SASH1: variants seen among roughly 807,000 people sequenced by gnomAD.
SASH1 encodes the protein SAM and SH3 domain containing 1.
A neutral mutation model predicts 125.2 loss-of-function variants in SASH1; 44 were observed. That is an observed-to-expected ratio of 0.35 (90% confidence interval 0.28 to 0.45). The LOEUF (loss-of-function observed/expected upper bound fraction) is 0.45. Ranked by LOEUF, SASH1 falls within the 20% of genes least tolerant of loss-of-function variation. The pLI is 1.00. For missense variants in SASH1, 1,426 were observed against 1,614.5 expected (o/e 0.88, Z 2.00); for synonymous variants, 639 against 649.1 (o/e 0.98, Z 0.24).
intron 4 of SASH1, among the ~76,000 whole-genome samples, chr6:148,445,805 C>T (rs2115020269): frequency 6.6e-6 from 1 of 152,308 alleles, no homozygotes; most frequent in East Asian, 1.9e-4. Flanking sequence ...GTGTGCCACT[C>T]ATTTCCTCGT....
intron 4 of SASH1, among the ~76,000 whole-genome samples, chr6:148,462,481 A>G (rs988486204): frequency 1.3e-5 from 2 of 152,290 alleles, no homozygotes; most frequent in Non-Finnish European, 1.5e-5. Context: ...GACTATTTGT[A>G]TATAAACAGA....
chr6:148,317,883 G>C (rs1780522589), intron 1 of SASH1, among the ~76,000 whole-genome samples: 1 of 152,174 alleles, frequency 6.6e-6, no homozygotes, highest in Non-Finnish European at 1.5e-5. Context: ...TTATTTAACA[G>C]TGAGGCATTC....
rs373610885 is a variant in SASH1, at chr6:148,520,334, G to A, written c.1209+441G>A. ...AGGCAAAGAGGAAGTGGGCCGCCAC[G>A]GTCGACCGCTGTACTAAAAGGGTTC... On this transcript the variant is annotated intron_variant, in intron 10 of 19. Coordinates refer to ENST00000367467, the MANE Select transcript of SASH1 (RefSeq NM_015278.5). 6.3e-4 allele frequency: 112 copies of A among 176,590 alleles called. No individual in the cohort carries two copies. The highest frequency in any genetic ancestry group is 1.6e-3 in the African/African-American group (66 of 42,260). The allele number at this position is 176,590 out of a possible 1,614,324, so 10.9% of individuals were successfully genotyped here. A position where few individuals can be genotyped will look rare whatever the true frequency, so the allele number is the denominator to read the frequency against.
chr6:148,328,387 G>A (rs1780898335), intron 1 of SASH1, among the ~76,000 whole-genome samples: 1 of 152,136 alleles, frequency 6.6e-6, no homozygotes. Context: ...AAGGTCAGGA[G>A]TTCGAGACCG....
At chr6:148,261,491 A>C in the SASH1 span, among the ~76,000 whole-genome samples, 1 of 152,228 alleles carries the variant, frequency 6.6e-6, no homozygotes, top group African/African-American at 2.4e-5. Context: ...GGAACACGTC[A>C]TGAAAGCTAC....
intron 1 of SASH1, among the ~76,000 whole-genome samples, chr6:148,328,592 CAAA>C (rs67955694): frequency 7.4e-6 from 1 of 134,924 alleles, no homozygotes; most frequent in Non-Finnish European, 1.6e-5. Context: ...GACTCCATCT[CAAA>C]AAAAAAAAAA....
the SASH1 span, among the ~76,000 whole-genome samples, chr6:148,247,566 C>G: frequency 3.3e-5 from 5 of 152,120 alleles, no homozygotes; most frequent in African/African-American, 9.7e-5. Context: ...GTTGCCATCC[C>G]CCTTTATTGG....
At chr6:148,387,417 T>G (rs1351776826) in intron 1 of SASH1, among the ~76,000 whole-genome samples, 1 of 151,678 alleles carries the variant, frequency 6.6e-6, no homozygotes, top group Non-Finnish European at 1.5e-5. Flanking sequence ...CGGCCCTCCT[T>G]TCTTTTCTTT....
intron 1 of SASH1, among the ~76,000 whole-genome samples, chr6:148,277,812 G>A (rs1026901620): frequency 6.6e-6 from 1 of 152,072 alleles, no homozygotes; most frequent in African/African-American, 2.4e-5. Flanking sequence ...CGCCTCCCGG[G>A]TTCAAGCGAT....
At chr6:148,349,188 T>C (rs1781619184) in intron 1 of SASH1, among the ~76,000 whole-genome samples, 1 of 150,504 alleles carries the variant, frequency 6.6e-6, no homozygotes, top group Non-Finnish European at 1.5e-5. Context: ...CCATTGGGCA[T>C]GGGACTACTT....
At chr6:148,220,417 T>C in the SASH1 span, among the ~76,000 whole-genome samples, 1 of 152,200 alleles carries the variant, frequency 6.6e-6, no homozygotes, top group African/African-American at 2.4e-5. Flanking sequence ...TAATCATCCA[T>C]GACAATCACT....
rs547969521 is a variant in SASH1, at chr6:148,409,068, T to A, written c.285+18806T>A. Among the ~76,000 whole-genome samples, 6 of 152,350 alleles carry A rather than the reference T, an allele frequency of 3.9e-5. No homozygotes were observed. In the East Asian group the frequency reaches 1.2e-3, roughly 29 times the overall value. On this transcript the variant is annotated intron_variant, in intron 2 of 19. Transcript: ENST00000367467. ...GCTCTTCTTGGTTCCCCAAGCTAAG[T>A]GGCTCTTGCCCTTGTGTACCTGCAT...
At chr6:148,231,492 A>G in the SASH1 span, among the ~76,000 whole-genome samples, 1 of 152,212 alleles carries the variant, frequency 6.6e-6, no homozygotes, top group Non-Finnish European at 1.5e-5. Flanking sequence ...GCTTAGGACA[A>G]CAAATTTTTA....
intron 11 of SASH1, among the ~76,000 whole-genome samples, chr6:148,526,880 TTTTTC>T (rs1373002746): frequency 1.2e-5 from 1 of 83,192 alleles, no homozygotes. Flanking sequence ...TTTTTTTTTT[TTTTTC>T]CCTCTGAGAG....
At chr6:148,247,592 G>T in the SASH1 span, among the ~76,000 whole-genome samples, 1 of 152,184 alleles carries the variant, frequency 6.6e-6, no homozygotes. Flanking sequence ...TTGATACTCA[G>T]CTGGAATGCA....
chr6:148,537,818 G>A (rs936776837), intron 16 of SASH1, among the ~76,000 whole-genome samples: 2 of 135,760 alleles, frequency 1.5e-5, no homozygotes, highest in Admixed American at 7.5e-5. Flanking sequence ...GTGTGTGTGT[G>A]TGTGTGTGTG....
the SASH1 span, among the ~76,000 whole-genome samples, chr6:148,196,621 G>A: frequency 6.6e-6 from 1 of 152,206 alleles, no homozygotes; most frequent in East Asian, 1.9e-4. Context: ...ATCGAGCCCA[G>A]CCTCTATGAC....
chr6:148,435,400 A>T (rs1776254328), intron 2 of SASH1, among the ~76,000 whole-genome samples: 2 of 150,674 alleles, frequency 1.3e-5, no homozygotes, highest in Non-Finnish European at 3.0e-5. Context: ...AAAAAAAAGG[A>T]TAGTATATTT....
At chr6:148,446,319 A>G (rs960492501) in intron 4 of SASH1, among the ~76,000 whole-genome samples, 8 of 151,962 alleles carry the variant, frequency 5.3e-5, no homozygotes, top group Non-Finnish European at 8.8e-5. Context: ...CGTGTTAGCC[A>G]GGATGGTCTT....
Sources: gnomAD v4.1 joint callset for allele counts (sites outside exome capture counted in the v4.1 genomes callset) on GRCh38, gnomAD v4.1.1 for gene constraint, MANE v1.5 for transcripts, NCBI Gene and HGNC (gene_info 2026-07-23, HGNC 2026-07-21) for gene names.